STAG1: variants seen among roughly 807,000 people sequenced by gnomAD.
STAG1 encodes STAG1 cohesin complex component.
STAG1 carries 26 observed loss-of-function variants against 170.9 expected under a neutral mutation model. The observed-to-expected ratio is 0.15, with a 90% CI of 0.11 to 0.21. The LOEUF is 0.21. Ranked by LOEUF, STAG1 falls within the 10% of genes least tolerant of loss-of-function variation. The probability of loss-of-function intolerance (pLI) is 1.00; values close to 1 mark genes in which losing one functional copy is unlikely to be tolerated. For missense variants in STAG1, 964 were observed against 1,509.5 expected (o/e 0.64, Z 5.99); for synonymous variants, 514 against 497.7 (o/e 1.03, Z -0.44).
At chr3:136,461,642 T>A (rs1004297448) in intron 13 of STAG1, among the ~76,000 whole-genome samples, 1 of 148,872 alleles carries the variant, frequency 6.7e-6, no homozygotes, top group Non-Finnish European at 1.5e-5. Flanking sequence ...AGAATATTAG[T>A]CTGGGTAGAG....
chr3:136,565,058 G>C (rs1255901055), intron 5 of STAG1, among the ~76,000 whole-genome samples: 71 of 29,860 alleles, frequency 2.4e-3, no homozygotes, highest in Non-Finnish European at 4.1e-3. Flanking sequence ...GGGAGGGAGG[G>C]AGGGAGGGAG....
At position 136,460,690 on chromosome 3, in the gene STAG1, C is replaced by CA. The variant is rs1366709754; in HGVS notation, c.1313+4190dup. ...GAAGCACTAATAAAGTCTCCCCCCC[C>CA]AAAAAAAAAAGCCCGGTACCTGATG... On this transcript the variant is annotated intron_variant, in intron 13 of 33. Transcript: ENST00000383202. Among the ~76,000 whole-genome samples the CA allele has an allele frequency of 3.2e-3, 463 of 146,938 alleles. 3 individuals are homozygous for CA. Among genetic ancestry groups the CA allele is most frequent in the African/African-American group, 9.7e-3 (386 of 39,744 alleles).
intron 23 of STAG1, among the ~76,000 whole-genome samples, chr3:136,372,045 G>C (rs1259905786): frequency 1.3e-5 from 2 of 152,288 alleles, no homozygotes; most frequent in Non-Finnish European, 2.9e-5. Context: ...GCAGTGGTTT[G>C]TAGTTCTCCT....
intron 21 of STAG1, among the ~76,000 whole-genome samples, chr3:136,405,791 CAAAAAAAAAAAAA>C (rs34952291): frequency 4.6e-4 from 23 of 50,100 alleles, no homozygotes; most frequent in African/African-American, 8.9e-4. Flanking sequence ...ACTCTATCTC[CAAAAAAAAAAAAA>C]AAAAAAAAAA....
intron 23 of STAG1, among the ~76,000 whole-genome samples, chr3:136,370,484 G>GT (rs1305772687): frequency 2.0e-5 from 3 of 152,076 alleles, no homozygotes; most frequent in African/African-American, 7.2e-5. Context: ...AGCATTAGGT[G>GT]TATCTCCTAA....
At chr3:136,511,952 T>C (rs1452322927) in intron 7 of STAG1, among the ~76,000 whole-genome samples, 1 of 151,064 alleles carries the variant, frequency 6.6e-6, no homozygotes. Flanking sequence ...GATAACCATA[T>C]CTCTAAGAAA....
chr3:136,365,365 T>A (rs2108289596), intron 25 of STAG1, among the ~76,000 whole-genome samples: 1 of 152,272 alleles, frequency 6.6e-6, no homozygotes, highest in African/African-American at 2.4e-5. Flanking sequence ...AGATGAATCG[T>A]GTCTTAAGAA....
intron 4 of STAG1, among the ~76,000 whole-genome samples, chr3:136,595,818 T>C (rs1477711800): frequency 6.6e-6 from 1 of 150,996 alleles, no homozygotes; most frequent in Non-Finnish European, 1.5e-5. Context: ...CAAATCATCA[T>C]CTAAATTGCT....
intron 3 of STAG1, among the ~76,000 whole-genome samples, chr3:136,611,779 AG>A (rs1939296291): frequency 6.7e-6 from 1 of 149,654 alleles, no homozygotes; most frequent in Non-Finnish European, 1.5e-5. Flanking sequence ...CTGGGATTAC[AG>A]GGGTAAGCCA....
chr3:136,452,434 GGC>G (rs1491328845), intron 13 of STAG1, among the ~76,000 whole-genome samples: 1 of 151,678 alleles, frequency 6.6e-6, no homozygotes, highest in Admixed American at 6.6e-5. Context: ...CATGGTGGCG[GGC>G]ACCTGTAGTC....
At chr3:136,401,290 T>C (rs1347234818) in intron 21 of STAG1, among the ~76,000 whole-genome samples, 1 of 152,212 alleles carries the variant, frequency 6.6e-6, no homozygotes. Flanking sequence ...AAAAAACCTA[T>C]CCAAATTGGA....
At chr3:136,605,989 TTAA>T (rs1938913886) in intron 3 of STAG1, among the ~76,000 whole-genome samples, 1 of 152,184 alleles carries the variant, frequency 6.6e-6, no homozygotes, top group Admixed American at 6.6e-5. Flanking sequence ...TGTGTGTGGA[TTAA>T]TATATAGAGT....
chr3:136,445,257 T>C (rs2088745790), intron 14 of STAG1, among the ~76,000 whole-genome samples: 1 of 152,098 alleles, frequency 6.6e-6, no homozygotes, highest in African/African-American at 2.4e-5. Flanking sequence ...GAGGGAGATA[T>C]CTTCAAACTT....
At chr3:136,694,453 A>C (rs1195872563) in intron 1 of STAG1, among the ~76,000 whole-genome samples, 1 of 152,058 alleles carries the variant, frequency 6.6e-6, no homozygotes, top group Non-Finnish European at 1.5e-5. Flanking sequence ...GTGTCTCAAC[A>C]AAATAAAAAA....
At chr3:136,439,161 C>G (rs1392966301) in intron 15 of STAG1, among the ~76,000 whole-genome samples, 7 of 131,642 alleles carry the variant, frequency 5.3e-5, no homozygotes, top group Non-Finnish European at 1.1e-4. Context: ...CGCCACTGCA[C>G]TACAGCCTGG....
intron 1 of STAG1, among the ~76,000 whole-genome samples, chr3:136,684,877 T>C (rs913457188): frequency 5.9e-5 from 9 of 151,346 alleles, no homozygotes; most frequent in South Asian, 4.2e-4. Context: ...AAAATAACAT[T>C]AAAGACCCAA....
At chr3:136,725,328 T>C (rs1238285062) in intron 1 of STAG1, among the ~76,000 whole-genome samples, 1 of 152,150 alleles carries the variant, frequency 6.6e-6, no homozygotes, top group Non-Finnish European at 1.5e-5. Context: ...AAAAGAATTA[T>C]TTCCTATTTC....
chr3:136,708,414 T>A (rs1460528100), intron 1 of STAG1, among the ~76,000 whole-genome samples: 1 of 151,608 alleles, frequency 6.6e-6, no homozygotes, highest in Admixed American at 6.6e-5. Context: ...AATAAGCAAA[T>A]CCATAGAGAT....
At chr3:136,383,792 A>C (rs1324189460) in intron 22 of STAG1, among the ~76,000 whole-genome samples, 1 of 151,888 alleles carries the variant, frequency 6.6e-6, no homozygotes, top group Non-Finnish European at 1.5e-5. Context: ...CGTCTCTACT[A>C]AAAATACAAA....
Sources: allele counts gnomAD v4.1 joint callset (sites outside exome capture counted in the v4.1 genomes callset), GRCh38; gene constraint gnomAD v4.1.1; transcripts MANE v1.5; gene names NCBI Gene and HGNC (gene_info 2026-07-23, HGNC 2026-07-21).